ZNF804B: variants seen among roughly 807,000 people sequenced by gnomAD.
ZNF804B encodes zinc finger 804B.
In ZNF804B, 80 loss-of-function variants were observed where a neutral mutation model predicts 101.4. The ratio of observed to expected loss-of-function variants is 0.79; its 90% CI spans 0.66 to 0.95. ZNF804B has a LOEUF of 0.95. Among genes scored for constraint, ZNF804B ranks in the 40% least tolerant of loss-of-function variants. ZNF804B has a pLI of 0.00. For missense variants in ZNF804B, 1,673 were observed against 1,561.9 expected, an observed-to-expected ratio of 1.07 and a Z score of -1.20; for synonymous variants, 622 against 558.8, an observed-to-expected ratio of 1.11 and a Z score of -1.59.
chr7:88,831,584 G>A (rs1438622842), intron 1 of ZNF804B, among the ~76,000 whole-genome samples: 1 of 151,700 alleles, frequency 6.6e-6, no homozygotes, highest in Non-Finnish European at 1.5e-5. Context: ...AAAAAAAATT[G>A]AAAGATGTTT....
intron 1 of ZNF804B, among the ~76,000 whole-genome samples, chr7:88,875,836 A>T (rs1401462524): frequency 3.9e-5 from 6 of 152,210 alleles, no homozygotes; most frequent in Non-Finnish European, 7.3e-5. Context: ...CTGATACTAA[A>T]GCTGGGCAGA....
intron 1 of ZNF804B, among the ~76,000 whole-genome samples, chr7:88,883,408 A>G (rs1022340334): frequency 6.6e-6 from 1 of 152,120 alleles, no homozygotes; most frequent in Non-Finnish European, 1.5e-5. Context: ...ACATTGTTAC[A>G]TAAGGCATGG....
At chr7:89,037,366 T>C (rs985925100) in intron 1 of ZNF804B, among the ~76,000 whole-genome samples, 3 of 152,114 alleles carry the variant, frequency 2.0e-5, no homozygotes, top group African/African-American at 7.2e-5. Context: ...AAAAAGCTGT[T>C]GATTGTGGTA....
intron 2 of ZNF804B, among the ~76,000 whole-genome samples, chr7:89,219,114 C>A (rs1461702157): frequency 6.7e-6 from 1 of 149,550 alleles, no homozygotes; most frequent in Admixed American, 6.7e-5. Context: ...TAGTCTACAT[C>A]TTTGTTCAAG....
At chr7:88,764,877 T>C (rs985524921) in intron 1 of ZNF804B, among the ~76,000 whole-genome samples, 2 of 152,152 alleles carry the variant, frequency 1.3e-5, no homozygotes, top group African/African-American at 4.8e-5. Context: ...CTACCTTTCA[T>C]GTTGGAATTT....
intron 1 of ZNF804B, among the ~76,000 whole-genome samples, chr7:89,017,088 C>G (rs577947082): frequency 6.6e-6 from 1 of 152,262 alleles, no homozygotes; most frequent in East Asian, 1.9e-4. Context: ...ATTTTATTCT[C>G]TTTGAAGCAA....
At chr7:88,967,877 CA>C (rs1362829629) in intron 1 of ZNF804B, among the ~76,000 whole-genome samples, 1 of 151,600 alleles carries the variant, frequency 6.6e-6, no homozygotes, top group East Asian at 2.0e-4. Flanking sequence ...CCAGTAACTT[CA>C]TTAGAGTTAA....
chr7:88,911,489 A>T (rs778321228), intron 1 of ZNF804B, among the ~76,000 whole-genome samples: 1 of 148,864 alleles, frequency 6.7e-6, no homozygotes, highest in Non-Finnish European at 1.5e-5. Flanking sequence ...ATTTATATTT[A>T]TACCAACATT....
intron 1 of ZNF804B, among the ~76,000 whole-genome samples, chr7:88,761,290 G>T (rs899182590): frequency 1.3e-5 from 2 of 152,220 alleles, no homozygotes; most frequent in East Asian, 3.9e-4. Flanking sequence ...AAAGTGGGTT[G>T]TTGCAACTGC....
At chr7:89,018,397 T>G (rs1167269490) in intron 1 of ZNF804B, among the ~76,000 whole-genome samples, 1 of 152,162 alleles carries the variant, frequency 6.6e-6, no homozygotes, top group Non-Finnish European at 1.5e-5. Context: ...TTTGACATGT[T>G]TTTGAATTCA....
chr7:89,107,796 A>T (rs1191266560), intron 1 of ZNF804B, among the ~76,000 whole-genome samples: 1 of 152,134 alleles, frequency 6.6e-6, no homozygotes, highest in African/African-American at 2.4e-5. Flanking sequence ...AAGCTTAGAG[A>T]GCCACAGACA....
chr7:89,250,881 A>C (rs1204539224), intron 2 of ZNF804B, among the ~76,000 whole-genome samples: 1 of 152,204 alleles, frequency 6.6e-6, no homozygotes, highest in African/African-American at 2.4e-5. Context: ...CTTTTGACAA[A>C]ATCTAACATG....
intron 1 of ZNF804B, among the ~76,000 whole-genome samples, chr7:89,201,621 C>G (rs1014291511): frequency 6.6e-6 from 1 of 151,956 alleles, no homozygotes; most frequent in African/African-American, 2.4e-5. Context: ...AGCTACTGGT[C>G]AGAAATAGTG....
At chr7:89,012,554 A>G (rs1325333485) in intron 1 of ZNF804B, among the ~76,000 whole-genome samples, 1 of 152,170 alleles carries the variant, frequency 6.6e-6, no homozygotes, top group Non-Finnish European at 1.5e-5. Context: ...TCTTTTTGCT[A>G]AAGCATAACA....
intron 1 of ZNF804B, among the ~76,000 whole-genome samples, chr7:89,214,613 G>A (rs914208888): frequency 6.6e-6 from 1 of 152,100 alleles, no homozygotes; most frequent in Non-Finnish European, 1.5e-5. Flanking sequence ...TGCTAATAAT[G>A]TGTATATAAT....
chr7:88,805,499 G>A (rs11526260), intron 1 of ZNF804B, among the ~76,000 whole-genome samples: 58,020 of 151,944 alleles, frequency 0.38, 11,470 homozygotes, highest in East Asian at 0.51. Context: ...TTAACTCAAG[G>A]TACCTCCACA....
At chr7:89,289,241 G>A (rs991655479) in intron 2 of ZNF804B, among the ~76,000 whole-genome samples, 4 of 152,012 alleles carry the variant, frequency 2.6e-5, no homozygotes, top group African/African-American at 7.2e-5. Context: ...TGCAGTTGTC[G>A]TTACGTTAAA....
intron 1 of ZNF804B, among the ~76,000 whole-genome samples, chr7:88,971,206 G>A (rs992183939): frequency 4.6e-5 from 7 of 151,386 alleles, no homozygotes; most frequent in African/African-American, 1.7e-4. Context: ...TGTTCACTTA[G>A]CTTGATATTT....
At chr7:88,923,188 G>T (rs552228398) in intron 1 of ZNF804B, among the ~76,000 whole-genome samples, 2 of 152,028 alleles carry the variant, frequency 1.3e-5, no homozygotes, top group Non-Finnish European at 2.9e-5. Context: ...AAAGGGAAAT[G>T]AGAGAGAGTG....
Sources: allele counts gnomAD v4.1 joint callset (sites outside exome capture counted in the v4.1 genomes callset), GRCh38; gene constraint gnomAD v4.1.1; transcripts MANE v1.5; gene names NCBI Gene and HGNC (gene_info 2026-07-23, HGNC 2026-07-21).